Variants in HPF1 observed in about 807,000 individuals in gnomAD.
The protein encoded by HPF1 is UPF0609 protein C4orf27.
A neutral mutation model predicts 38.8 loss-of-function variants in HPF1; 35 were observed. The ratio of observed to expected loss-of-function variants is 0.90; its 90% CI spans 0.69 to 1.19. The LOEUF (loss-of-function observed/expected upper bound fraction) is 1.19. Ranked by LOEUF, HPF1 falls within the 50% of genes most tolerant of loss-of-function variation. The pLI is 0.00. For missense variants in HPF1, 367 were observed against 405.8 expected, an observed-to-expected ratio of 0.90 and a Z score of 0.82; for synonymous variants, 115 against 139.2, an observed-to-expected ratio of 0.83 and a Z score of 1.22.
intron 3 of HPF1, 83 bp downstream of exon 3, chr4:169,750,453 C>T (rs1048627613): frequency 4.9e-6 from 5 of 1,016,266 alleles, no homozygotes; most frequent in African/African-American, 1.6e-5. Flanking sequence ...TGCCTTTCAC[C>T]TTGGGTGAGG....
In HPF1 at chr4:169,737,837, C is replaced by CA. The variant is rs1048324553; in HGVS notation, c.649-91dup. ...ATACATAAACCCTCAACATTTCTGCCAAAATGTAACATTTAATCACATTTT... is the reference window on the plus strand; with the variant it reads ...ATACATAAACCCTCAACATTTCTGCCAAAAATGTAACATTTAATCACATTTT... On this transcript the variant is annotated intron_variant, in intron 5 of 7. Transcript: ENST00000393381. 7 of 790,974 alleles carry CA rather than the reference C, an allele frequency of 8.8e-6. No homozygotes were observed. In the African/African-American group the frequency reaches 1.2e-4, roughly 14 times the overall value. 49.0% of individuals were successfully genotyped at this position (790,974 alleles called of 1,614,324 possible). A position where few individuals can be genotyped will look rare whatever the true frequency, so the allele number is the denominator to read the frequency against.
chr4:169,738,714 C>T (rs1733928386), intron 5 of HPF1, among the ~76,000 whole-genome samples: 1 of 152,208 alleles, frequency 6.6e-6, no homozygotes, highest in Admixed American at 6.5e-5. Context: ...TGTCTTCTAT[C>T]TTAATCTTTC....
At chr4:169,750,777 A>AAAGCATTATTTCC in intron 2 of HPF1, 52 bp from the exon 3 acceptor site, 1 of 1,326,890 alleles carries the variant, frequency 7.5e-7, no homozygotes, top group Non-Finnish European at 1.0e-6. Flanking sequence ...GTAGGAAATA[A>AAAGCATTATTTCC]TGCTTTTATT....
At position 169,732,762 on chromosome 4, in the gene HPF1, T is replaced by G. The variant is rs554052549; in HGVS notation, c.737-886A>C. Among the ~76,000 whole-genome samples the G allele has an allele frequency of 3.3e-4, 50 of 152,292 alleles. 1 individual carries two copies. The highest frequency in any genetic ancestry group is 1.1e-3 in the African/African-American group (45 of 41,564). On this transcript the variant is annotated intron_variant, in intron 6 of 7. Transcript: ENST00000393381. ...ATCCTTCGATTAAACCAAGTGCGGA[T>G]TGAAATACTCAGGAAAAAAATAAAA... is the stretch of plus-strand genomic sequence containing the variant.
chr4:169,754,495 C>A (rs17055122), intron 1 of HPF1, among the ~76,000 whole-genome samples: 6,904 of 152,026 alleles, frequency 0.045, 301 homozygotes, highest in African/African-American at 0.11. Flanking sequence ...TCTCTAGGAC[C>A]ACCACAATAC....
At chr4:169,736,700 C>A (rs140657387) in intron 6 of HPF1, among the ~76,000 whole-genome samples, 2 of 152,126 alleles carry the variant, frequency 1.3e-5, no homozygotes, top group East Asian at 1.9e-4. Context: ...CGGCCAAATA[C>A]GTGCATTGGG....
intron 6 of HPF1, 100 bp downstream of exon 6, chr4:169,737,560 G>A: frequency 2.6e-6 from 2 of 784,154 alleles, no homozygotes; most frequent in Non-Finnish European, 4.6e-6. Context: ...TAGCGACTGT[G>A]TCAGAAAAGG....
chr4:169,746,779 A>C (rs1031547533), intron 4 of HPF1, among the ~76,000 whole-genome samples: 1 of 152,084 alleles, frequency 6.6e-6, no homozygotes, highest in Non-Finnish European at 1.5e-5. Flanking sequence ...AAATAGTTAT[A>C]TCTCAAGTAA....
intron 6 of HPF1, among the ~76,000 whole-genome samples, chr4:169,734,175 C>T (rs767774138): frequency 4.6e-5 from 7 of 152,184 alleles, no homozygotes; most frequent in African/African-American, 9.7e-5. Flanking sequence ...AATTATTTTA[C>T]ATGAGCTTCA....
In HPF1 at chr4:169,741,979, T is replaced by G; in HGVS notation, c.626A>C (p.Lys209Thr). ...LGYSLEQRTVKMKQRDKKVVT... is the reference protein window; with the variant it reads ...LGYSLEQRTVTMKQRDKKVVT... Reference sequence around the variant, plus strand: ...TACTTTCTTATCTCTCTGTTTCATCTTCACGGTTCTCTGTTCAAGCGAGTA... The same window carrying G: ...TACTTTCTTATCTCTCTGTTTCATCGTCACGGTTCTCTGTTCAAGCGAGTA... Residue 209 changes from lysine (K) to threonine (T), a missense_variant, in exon 5 of 8, where the codon AAG becomes ACG. Physicochemically the swap from Lys to Thr is moderately conservative, Grantham distance 78 (BLOSUM62 -1). Transcript: ENST00000393381. 1 of 1,613,532 alleles carries G rather than the reference T, an allele frequency of 6.2e-7. No individual in the cohort carries two copies. The highest frequency in any genetic ancestry group is 1.3e-5 in the African/African-American group (1 of 74,996).
intron 6 of HPF1, among the ~76,000 whole-genome samples, chr4:169,736,768 C>A (rs1352111916): frequency 6.6e-6 from 1 of 152,104 alleles, no homozygotes; most frequent in African/African-American, 2.4e-5. Context: ...AAGTTTTATC[C>A]CCCCAGAAGA....
intron 6 of HPF1, among the ~76,000 whole-genome samples, chr4:169,734,408 A>G (rs1194830210): frequency 6.6e-6 from 1 of 152,202 alleles, no homozygotes; most frequent in African/African-American, 2.4e-5. Flanking sequence ...ATCGCTTTCC[A>G]GTATCTTATT....
intron 1 of HPF1, among the ~76,000 whole-genome samples, 184 bp from the exon 2 acceptor site, chr4:169,754,019 G>A (rs1304567705): frequency 6.6e-6 from 1 of 152,156 alleles, no homozygotes; most frequent in African/African-American, 2.4e-5. Context: ...AGTTTATATG[G>A]TGGTTAAGAG....
intron 5 of HPF1, among the ~76,000 whole-genome samples, chr4:169,738,116 A>G (rs571769558): frequency 3.1e-4 from 47 of 152,310 alleles, no homozygotes; most frequent in Non-Finnish European, 5.6e-4. Context: ...ACCTGGTTCT[A>G]AAAGAAAAAG....
chr4:169,736,889 T>C (rs139041375), intron 6 of HPF1, among the ~76,000 whole-genome samples: 9 of 152,274 alleles, frequency 5.9e-5, no homozygotes, highest in African/African-American at 1.7e-4. Context: ...TAGCAATAAC[T>C]AGATTATGCG....
chr4:169,743,032 T>C (rs1407652338), intron 4 of HPF1, among the ~76,000 whole-genome samples: 1 of 149,854 alleles, frequency 6.7e-6, no homozygotes, highest in Non-Finnish European at 1.5e-5. Flanking sequence ...ACCCGGGAGG[T>C]AGAGGTTGCA....
At chr4:169,739,638 A>C (rs1011533374) in intron 5 of HPF1, among the ~76,000 whole-genome samples, 3 of 152,220 alleles carry the variant, frequency 2.0e-5, no homozygotes, top group African/African-American at 7.2e-5. Context: ...TACTACGTCT[A>C]GGAATTTCTT....
chr4:169,748,009 G>A (rs1419431278), intron 4 of HPF1, among the ~76,000 whole-genome samples: 66 of 152,208 alleles, frequency 4.3e-4, no homozygotes, highest in Non-Finnish European at 4.4e-5. Flanking sequence ...CCAGCTCCCT[G>A]ATGGTGGCAG....
chr4:169,745,248 C>T (rs973826101), intron 4 of HPF1, among the ~76,000 whole-genome samples: 4 of 152,192 alleles, frequency 2.6e-5, no homozygotes, highest in Admixed American at 6.5e-5. Context: ...TGCACTAAAC[C>T]CTGGGGCAGC....
Sources: allele counts gnomAD v4.1 joint callset (sites outside exome capture counted in the v4.1 genomes callset), GRCh38; gene constraint gnomAD v4.1.1; transcripts MANE v1.5; gene names NCBI Gene and HGNC (gene_info 2026-07-23, HGNC 2026-07-21).